Variants in NBEAL1 observed in about 807,000 individuals in gnomAD.
NBEAL1 encodes the protein neurobeachin-like protein 1.
NBEAL1 carries 273 observed loss-of-function variants against 351.3 expected under a neutral mutation model. The ratio of observed to expected loss-of-function variants is 0.78; its 90% confidence interval spans 0.70 to 0.86. The LOEUF is 0.86. Ranked by LOEUF, NBEAL1 falls within the 40% of genes least tolerant of loss-of-function variation. NBEAL1 has a pLI of 0.00. For synonymous variants in NBEAL1, 1,050 were observed against 1,086.4 expected (o/e 0.97, Z 0.66); for missense variants, 2,961 against 3,201.3 (o/e 0.92, Z 1.81).
At chr2:203,167,128 T>G (rs1394081892) in intron 37 of NBEAL1, 99 bp from the exon 38 acceptor site, 5 of 1,169,874 alleles carry the variant, frequency 4.3e-6, no homozygotes, top group Non-Finnish European at 6.0e-6. Flanking sequence ...ATTGAATTCC[T>G]TTTTCCTAAA....
intron 2 of NBEAL1, among the ~76,000 whole-genome samples, chr2:203,027,532 C>T (rs563850721): frequency 3.9e-5 from 6 of 152,108 alleles, no homozygotes; most frequent in African/African-American, 1.2e-4. Context: ...CATTTAACTG[C>T]TACATAATTT....
intron 2 of NBEAL1, among the ~76,000 whole-genome samples, chr2:203,029,785 A>G (rs534645864): frequency 3.3e-5 from 5 of 152,042 alleles, no homozygotes; most frequent in Non-Finnish European, 5.9e-5. Context: ...TATTTTGTAT[A>G]TATACACCTC....
chr2:203,042,088 A>C (rs2061152197), intron 3 of NBEAL1, among the ~76,000 whole-genome samples: 1 of 152,226 alleles, frequency 6.6e-6, no homozygotes, highest in Non-Finnish European at 1.5e-5. Flanking sequence ...GGTGTTCTGC[A>C]ACACACTTCA....
At chr2:203,123,167 CACCA>C (rs1345918445) in intron 19 of NBEAL1, among the ~76,000 whole-genome samples, 2 of 148,820 alleles carry the variant, frequency 1.3e-5, no homozygotes, top group African/African-American at 4.9e-5. Flanking sequence ...AATCAGTTAA[CACCA>C]ACCAAATACG....
At chr2:203,167,172 T>C in intron 37 of NBEAL1, 55 bp from the exon 38 acceptor site, 5 of 1,523,384 alleles carry the variant, frequency 3.3e-6, no homozygotes, top group Non-Finnish European at 4.4e-6. Flanking sequence ...TATTTTCTAC[T>C]TAGCATGAGT....
At chr2:203,160,948 T>C (rs943491719) in intron 36 of NBEAL1, among the ~76,000 whole-genome samples, 8 of 152,154 alleles carry the variant, frequency 5.3e-5, no homozygotes, top group African/African-American at 1.9e-4. Context: ...ATCCCAGCTA[T>C]TCAGGAGGCT....
At chr2:203,205,949 G>C (rs549283265) in intron 51 of NBEAL1, among the ~76,000 whole-genome samples, 1 of 152,368 alleles carries the variant, frequency 6.6e-6, no homozygotes, top group South Asian at 2.1e-4. Context: ...CAGGTGGAAG[G>C]TGTGGGCAGA....
intron 54 of NBEAL1, among the ~76,000 whole-genome samples, chr2:203,212,632 G>A (rs1013300802): frequency 2.6e-5 from 4 of 151,470 alleles, no homozygotes; most frequent in Admixed American, 1.3e-4. Context: ...AAGACTAGTT[G>A]GGGAAATATC....
chr2:203,178,940 A>G (rs1172594803), intron 42 of NBEAL1, among the ~76,000 whole-genome samples: 1 of 152,244 alleles, frequency 6.6e-6, no homozygotes, highest in African/African-American at 2.4e-5. Flanking sequence ...TGTTAATTTT[A>G]TCTCAAAACT....
At chr2:203,134,700 A>C (rs1038477178) in intron 27 of NBEAL1, among the ~76,000 whole-genome samples, 3 of 152,224 alleles carry the variant, frequency 2.0e-5, no homozygotes, top group African/African-American at 7.2e-5. Flanking sequence ...TTTATCTAAA[A>C]ATTTTAATCA....
At chr2:203,037,866 G>A (rs937769234) in intron 2 of NBEAL1, among the ~76,000 whole-genome samples, 1 of 149,026 alleles carries the variant, frequency 6.7e-6, no homozygotes, top group Admixed American at 6.8e-5. Context: ...GAGGCAGGAG[G>A]ATTCCTTGGG....
chr2:203,214,731 T>A (rs2065869992), intron 55 of NBEAL1, among the ~76,000 whole-genome samples: 2 of 152,202 alleles, frequency 1.3e-5, no homozygotes, highest in Non-Finnish European at 2.9e-5. Flanking sequence ...GCGGATATCG[T>A]GCTGCTGCAC....
At chr2:203,151,088 T>G (rs921101146) in intron 34 of NBEAL1, among the ~76,000 whole-genome samples, 2 of 152,150 alleles carry the variant, frequency 1.3e-5, no homozygotes, top group African/African-American at 4.8e-5. Flanking sequence ...CCCCAGCACT[T>G]TGGGAGGCCA....
intron 18 of NBEAL1, among the ~76,000 whole-genome samples, chr2:203,117,964 C>G (rs961383674): frequency 1.2e-4 from 18 of 152,092 alleles, no homozygotes; most frequent in African/African-American, 4.1e-4. Flanking sequence ...GTTGGGATTA[C>G]AGGAATGAGC....
chr2:203,067,403 A>T (rs1161271403), intron 6 of NBEAL1, among the ~76,000 whole-genome samples: 1 of 152,246 alleles, frequency 6.6e-6, no homozygotes, highest in Admixed American at 6.5e-5. Context: ...GAATTTGGAT[A>T]GTAGATCTGG....
chr2:203,174,215 G>T (rs1369174563), intron 41 of NBEAL1, among the ~76,000 whole-genome samples: 3 of 7,144 alleles, frequency 4.2e-4, no homozygotes, highest in Admixed American at 2.0e-3. Context: ...CTTTATACTA[G>T]CAAAAAAAAA....
rs1251850703 is a variant in NBEAL1, at chr2:203,016,320, G to A, written c.-65G>A. The A allele has an allele frequency of 6.4e-5, 73 of 1,144,088 alleles. No homozygotes were observed. The highest frequency in any genetic ancestry group is 3.7e-6 in the Non-Finnish European group (3 of 820,306). The allele number at this position is 1,144,088 out of a possible 1,614,324, so 70.9% of individuals were successfully genotyped here. On this transcript the variant is annotated 5_prime_UTR_variant, in exon 2 of 56. Transcript: ENST00000683969. ...GCTGAAAAACTTGGAAAATAAAATG[G>A]ACATGCTGTAGTCTTGAACATAATT...
At chr2:203,081,420 T>C (rs939799465) in intron 8 of NBEAL1, among the ~76,000 whole-genome samples, 1 of 152,230 alleles carries the variant, frequency 6.6e-6, no homozygotes, top group African/African-American at 2.4e-5. Flanking sequence ...GATACGGAAA[T>C]AGTAACATTT....
chr2:203,199,285 G>A (rs1181061081), intron 48 of NBEAL1, 53 bp from the exon 49 acceptor site: 2 of 1,005,874 alleles, frequency 2.0e-6, no homozygotes, highest in Non-Finnish European at 3.1e-6. Context: ...GTTATTCTGG[G>A]CTGCTTTCCT....
Sources: gnomAD v4.1 joint callset for allele counts (sites outside exome capture counted in the v4.1 genomes callset) on GRCh38, gnomAD v4.1.1 for gene constraint, MANE v1.5 for transcripts, NCBI Gene and HGNC (gene_info 2026-07-23, HGNC 2026-07-21) for gene names.